CAMTA1: variants seen among roughly 807,000 people sequenced by gnomAD.
The protein encoded by CAMTA1 is calmodulin binding transcription activator 1.
Under a neutral mutation model 170.9 loss-of-function variants are expected in CAMTA1, and 27 were observed. The observed-to-expected ratio is 0.16, with a 90% CI of 0.12 to 0.22. The LOEUF is 0.22. Ranked by LOEUF, CAMTA1 falls within the 10% of genes least tolerant of loss-of-function variation. The pLI is 1.00. For synonymous variants in CAMTA1, 833 were observed against 891.5 expected (o/e 0.93, Z 1.17); for missense variants, 1,619 against 2,217.2 (o/e 0.73, Z 5.42).
At chr1:7,497,093 C>G (rs2093841087) in intron 6 of CAMTA1, among the ~76,000 whole-genome samples, 1 of 152,188 alleles carries the variant, frequency 6.6e-6, no homozygotes, top group African/African-American at 2.4e-5. Flanking sequence ...AAACTCATCA[C>G]CCAAGATAAG....
chr1:7,751,555 C>G (rs941362339), intron 20 of CAMTA1, among the ~76,000 whole-genome samples, 163 bp downstream of exon 20: 7 of 152,168 alleles, frequency 4.6e-5, no homozygotes, highest in African/African-American at 1.7e-4. Context: ...ATAAGTACAC[C>G]TGTGCTGAGT....
chr1:7,357,387 G>C (rs995792061), intron 5 of CAMTA1, among the ~76,000 whole-genome samples: 2 of 152,214 alleles, frequency 1.3e-5, no homozygotes, highest in South Asian at 4.1e-4. Flanking sequence ...AGGGGGCAGC[G>C]AGGCAGAGGA....
At chr1:7,558,150 C>G (rs1373431555) in intron 6 of CAMTA1, among the ~76,000 whole-genome samples, 12 of 152,242 alleles carry the variant, frequency 7.9e-5, no homozygotes, top group Non-Finnish European at 1.8e-4. Flanking sequence ...AGCCTCTTAT[C>G]TCCTGCTTCC....
At chr1:7,227,050 G>T (rs1661837322) in intron 4 of CAMTA1, among the ~76,000 whole-genome samples, 1 of 151,790 alleles carries the variant, frequency 6.6e-6, no homozygotes, top group Admixed American at 6.6e-5. Flanking sequence ...AGCCAGCATG[G>T]TCTCGATCTA....
In CAMTA1 at chr1:7,732,515, G is replaced by A. The variant is rs1461633894; in HGVS notation, c.2982G>A (p.Thr994=). The A allele has an allele frequency of 5.0e-6, 8 of 1,613,804 alleles. No individual in the cohort carries two copies. The highest frequency in any genetic ancestry group is 1.7e-5 in the Admixed American group (1 of 59,990). ...TGGAGAGGAGGATGGCCGAGATGAC[G>A]GGGTCCCAGCAGCACAAACAGGCGA... ...EQMERRMAEM[T]GSQQHKQASG... is the part of the protein sequence containing the mutation. The change falls in exon 12 of 23, where the codon ACG becomes ACA. Residue 994 remains threonine, a synonymous_variant. Coordinates refer to ENST00000303635, the MANE Select transcript of CAMTA1 (RefSeq NM_015215.4). The surrounding 1 kb of genome is among the most constrained non-coding windows in gnomAD (Gnocchi z 4.1).
chr1:7,388,066 C>T (rs4453065), intron 5 of CAMTA1: 32,168 of 151,888 alleles, frequency 0.21, 3,857 homozygotes, highest in East Asian at 0.53. Context: ...CCTTGGGTTC[C>T]AATCTGAGCC....
chr1:7,622,632 C>T (rs913090965), intron 6 of CAMTA1, among the ~76,000 whole-genome samples: 1 of 152,248 alleles, frequency 6.6e-6, no homozygotes, highest in Non-Finnish European at 1.5e-5. Context: ...TGGCCACCAG[C>T]ATGAGCCTAT....
intron 3 of CAMTA1, among the ~76,000 whole-genome samples, chr1:6,995,884 T>A (rs1445471400): frequency 6.6e-6 from 1 of 152,126 alleles, no homozygotes; most frequent in Non-Finnish European, 1.5e-5. Context: ...GACTGGCTAG[T>A]TCAAACAATT....
At position 7,195,988 on chromosome 1, in the gene CAMTA1, G is replaced by A. The variant is rs1440547893; in HGVS notation, c.303-53503G>A. Among the ~76,000 whole-genome samples the A allele has an allele frequency of 6.6e-6, 1 of 152,144 alleles. No homozygotes were observed. Among genetic ancestry groups the A allele is most frequent in the East Asian group, 1.9e-4 (1 of 5,196 alleles). On this transcript the variant is annotated intron_variant, in intron 4 of 22. Transcript: ENST00000303635. The surrounding 1 kb of genome is among the most constrained non-coding windows in gnomAD (Gnocchi z 4.1). The stretch of plus-strand genomic sequence containing the variant: ...GCTGAGATCATCCCACTGCACTCCA[G>A]CCTGGGCAACACAGTGAGATACTGT...
chr1:7,505,480 G>A (rs2094089689), intron 6 of CAMTA1, among the ~76,000 whole-genome samples: 3 of 152,150 alleles, frequency 2.0e-5, no homozygotes, highest in Non-Finnish European at 2.9e-5. Flanking sequence ...CCCCAGAGCT[G>A]CCTGCTGGAG....
chr1:7,220,185 C>T (rs925225783), intron 4 of CAMTA1, among the ~76,000 whole-genome samples: 5 of 152,210 alleles, frequency 3.3e-5, no homozygotes, highest in African/African-American at 9.7e-5. Flanking sequence ...TTAGGGAATG[C>T]GCCACGCCTG....
intron 3 of CAMTA1, among the ~76,000 whole-genome samples, chr1:6,830,576 C>A (rs1649529683): frequency 6.6e-6 from 1 of 152,180 alleles, no homozygotes; most frequent in Non-Finnish European, 1.5e-5. Flanking sequence ...CTCCCGACCT[C>A]AGGTGATCCG....
In CAMTA1 at chr1:6,919,779, A is replaced by G. The variant is rs1681592396; in HGVS notation, c.234+94569A>G. Among the ~76,000 whole-genome samples, 3 of 152,308 alleles carry G rather than the reference A, an allele frequency of 2.0e-5. No individual in the cohort carries two copies. The South Asian group carries it at 6.2e-4, about 32-fold the overall frequency. The stretch of plus-strand genomic sequence containing the variant: ...CACCTTATGCGGATGGCAGCAGGCA[A>G]AGAGCTTGTGCAGGGAAACTCCCCC... On this transcript the variant is annotated intron_variant, in intron 3 of 22. Transcript: ENST00000303635.
chr1:6,860,406 G>T (rs1429387567), intron 3 of CAMTA1, among the ~76,000 whole-genome samples: 2 of 152,110 alleles, frequency 1.3e-5, no homozygotes, highest in Non-Finnish European at 2.9e-5. Flanking sequence ...TTGAGTCATT[G>T]ATCATTTTCT....
In CAMTA1 at chr1:7,594,232, AG is replaced by A. The variant is rs1370345776; in HGVS notation, c.511-46166del. 1.1e-4 allele frequency among the ~76,000 whole-genome samples: 17 copies of A among 151,150 alleles called. 1 individual carries two copies. In the East Asian group the frequency reaches 3.3e-3, roughly 29 times the overall value. On this transcript the variant is annotated intron_variant, in intron 6 of 22. Transcript: ENST00000303635. The stretch of plus-strand genomic sequence containing the variant: ...AAGGAAGGAAGGAAGGAAGGAAGGA[AG>A]GAAGGAAGAAAGAAAAGAAGGACTG...
intron 8 of CAMTA1, 86 bp from the exon 9 acceptor site, chr1:7,663,267 A>T: frequency 6.8e-7 from 1 of 1,479,128 alleles, no homozygotes; most frequent in Non-Finnish European, 9.0e-7. Flanking sequence ...CCACGGTCCT[A>T]GCTCTGACTC....
At chr1:7,622,015 G>A (rs1399183489) in intron 6 of CAMTA1, among the ~76,000 whole-genome samples, 19 of 152,304 alleles carry the variant, frequency 1.2e-4, no homozygotes, top group East Asian at 1.9e-4. Flanking sequence ...CTGTCAGATC[G>A]GGAGTTAGTC....
chr1:7,366,621 C>A (rs990564852), intron 5 of CAMTA1, among the ~76,000 whole-genome samples: 2 of 152,248 alleles, frequency 1.3e-5, no homozygotes, highest in African/African-American at 2.4e-5. Context: ...CTCTTCCCAC[C>A]CCACTGATGT....
At chr1:7,554,814 C>A (rs55825337) in intron 6 of CAMTA1, among the ~76,000 whole-genome samples, 5 of 152,278 alleles carry the variant, frequency 3.3e-5, no homozygotes, top group East Asian at 1.9e-4. Context: ...TTCATCCCCC[C>A]CAACCCCATG....
Sources: allele counts gnomAD v4.1 joint callset (sites outside exome capture counted in the v4.1 genomes callset), GRCh38; gene constraint gnomAD v4.1.1; non-coding constraint Gnocchi (gnomAD v3.1); transcripts MANE v1.5; gene names NCBI Gene and HGNC (gene_info 2026-07-23, HGNC 2026-07-21).